PPP2R2C: variants seen among roughly 807,000 people sequenced by gnomAD.
The protein encoded by PPP2R2C is protein phosphatase 2 regulatory subunit Bgamma, also known as protein phosphatase 2, regulatory subunit B, gamma.
In PPP2R2C, 10 loss-of-function variants were observed where a neutral mutation model predicts 45.3. The ratio of observed to expected loss-of-function variants is 0.22; its 90% CI spans 0.14 to 0.37. The LOEUF is 0.37. Among genes scored for constraint, PPP2R2C ranks in the 10% least tolerant of loss-of-function variants. The probability of loss-of-function intolerance (pLI) is 1.00; values close to 1 mark genes in which losing one functional copy is unlikely to be tolerated. For synonymous variants in PPP2R2C, 257 were observed against 245.4 expected (o/e 1.05, Z -0.44); for missense variants, 308 against 619.7 (o/e 0.50, Z 5.34).
intron 2 of PPP2R2C, among the ~76,000 whole-genome samples, chr4:6,486,230 T>C (rs1240845974): frequency 1.3e-5 from 2 of 152,052 alleles, no homozygotes; most frequent in Non-Finnish European, 2.9e-5. Context: ...AATTCTATTA[T>C]GACAGAACAT....
At chr4:6,533,741 CACACCAGGAA>C in intron 2 of PPP2R2C, among the ~76,000 whole-genome samples, 1 of 152,200 alleles carries the variant, frequency 6.6e-6, no homozygotes, top group East Asian at 1.9e-4. Flanking sequence ...TATAACTGAG[CACACCAGGAA>C]ACACTCTAAT....
At chr4:6,367,843 G>A (rs1313840009) in intron 5 of PPP2R2C, among the ~76,000 whole-genome samples, 1 of 152,116 alleles carries the variant, frequency 6.6e-6, no homozygotes. Context: ...AATCGGGGAG[G>A]TTTCCATGGC....
chr4:6,420,033 T>A (rs1167730731), intron 1 of PPP2R2C, among the ~76,000 whole-genome samples: 1 of 152,230 alleles, frequency 6.6e-6, no homozygotes, highest in African/African-American at 2.4e-5. Context: ...GAAGGACACA[T>A]TTAAACGCAC....
rs545877745 is a variant in PPP2R2C, at chr4:6,332,543, C to A, written c.960+1019G>T. Among the ~76,000 whole-genome samples, 7 of 152,168 alleles carry A rather than the reference C, an allele frequency of 4.6e-5. No homozygotes were observed. The highest frequency in any genetic ancestry group is 1.7e-4 in the African/African-American group (7 of 41,434). On this transcript the variant is annotated intron_variant, in intron 7 of 8. Coordinates refer to ENST00000382599, the MANE Select transcript of PPP2R2C (RefSeq NM_020416.4). The surrounding 1 kb of genome is among the most constrained non-coding windows in gnomAD (Gnocchi z 4.9). ...CTCTGAGCTCTGCACCAGTTCCCAG[C>A]GAGGCCTGCGCCACCCAGGACGCTT...
At chr4:6,559,681 C>T (rs1725515156) in intron 1 of PPP2R2C, among the ~76,000 whole-genome samples, 1 of 152,080 alleles carries the variant, frequency 6.6e-6, no homozygotes, top group East Asian at 1.9e-4. Context: ...GAAATTAGTG[C>T]CCTTCTAAAA....
At chr4:6,362,401 C>T (rs138884214) in intron 5 of PPP2R2C, among the ~76,000 whole-genome samples, 144 of 152,256 alleles carry the variant, frequency 9.5e-4, no homozygotes, top group Non-Finnish European at 1.5e-3. Flanking sequence ...CAAGAAGGGA[C>T]AGGAGGCAGG....
intron 2 of PPP2R2C, among the ~76,000 whole-genome samples, chr4:6,522,380 G>C (rs1341981716): frequency 6.6e-6 from 1 of 152,232 alleles, no homozygotes; most frequent in African/African-American, 2.4e-5. Context: ...GTGGGAAATT[G>C]AGGCTGGCGA....
intron 1 of PPP2R2C, among the ~76,000 whole-genome samples, chr4:6,404,495 T>C (rs368207779): frequency 1.3e-5 from 2 of 152,206 alleles, no homozygotes; most frequent in Non-Finnish European, 2.9e-5. Flanking sequence ...TACACTTGGT[T>C]GAACATTTGC....
chr4:6,384,180 C>T (rs1398927906), intron 1 of PPP2R2C: 2 of 985,256 alleles, frequency 2.0e-6, no homozygotes, highest in East Asian at 1.1e-4. Flanking sequence ...GGGCAGAAGC[C>T]AGAACCACCC....
In PPP2R2C at chr4:6,390,221, G is replaced by T. The variant is rs974802940; in HGVS notation, c.71-9127C>A. On this transcript the variant is annotated intron_variant, in intron 1 of 8. Transcript: ENST00000382599. ...AGAGGGGCGTGGAGAACACAGCAGA[G>T]GGAGGCTGGGGGTGCACACACTGTG... 1.7e-4 allele frequency among the ~76,000 whole-genome samples: 24 copies of T among 141,614 alleles called. No individual in the cohort carries two copies. In the East Asian group the frequency reaches 4.5e-3, roughly 27 times the overall value. 92.9% of individuals were successfully genotyped at this position (141,614 alleles called of 152,430 possible).
rs946708086 is a variant in PPP2R2C, at chr4:6,378,889, C to A, written c.169-317G>T. On this transcript the variant is annotated intron_variant, in intron 2 of 8. Transcript: ENST00000382599. This position sits in a 1 kb window ranked among gnomAD's most constrained non-coding sequence, Gnocchi z 5.2. ...TCCCCGCACCATCGCATTCTACCCT[C>A]CAGGCCTCCTCTGCTTGAGCACCAC... is the stretch of plus-strand genomic sequence containing the variant. Among the ~76,000 whole-genome samples the A allele has an allele frequency of 5.9e-5, 9 of 151,718 alleles. No individual in the cohort carries two copies. The highest frequency in any genetic ancestry group is 1.3e-4 in the Non-Finnish European group (9 of 67,976).
intron 1 of PPP2R2C, among the ~76,000 whole-genome samples, chr4:6,431,749 C>T (rs1370491523): frequency 1.3e-5 from 2 of 152,200 alleles, no homozygotes; most frequent in Non-Finnish European, 2.9e-5. Context: ...AGACCCCAAC[C>T]CTGCCTCTGA....
chr4:6,424,674 A>G lies in PPP2R2C; in HGVS notation c.71-43580T>C, dbSNP rs36118874. On this transcript the variant is annotated intron_variant, in intron 1 of 8. Transcript: ENST00000382599. Reference sequence around the variant, plus strand: ...CTGAACAGCTGCTGGGGTTTGACAAAGTGAGGGGAAGGGCATGGAGGCAGA... The same window carrying G: ...CTGAACAGCTGCTGGGGTTTGACAAGGTGAGGGGAAGGGCATGGAGGCAGA... Among the ~76,000 whole-genome samples, 1,170 of 152,220 alleles carry G rather than the reference A, an allele frequency of 7.7e-3. 13 individuals carry two copies. Among genetic ancestry groups the G allele is most frequent in the Middle Eastern group, 0.038 (11 of 292 alleles).
chr4:6,472,641 C>T (rs1367253983), upstream of PPP2R2C, among the ~76,000 whole-genome samples: 3 of 147,632 alleles, frequency 2.0e-5, no homozygotes, highest in African/African-American at 7.3e-5. Flanking sequence ...CCGCCGCCGC[C>T]GCTGTCGCAG....
intron 2 of PPP2R2C, among the ~76,000 whole-genome samples, chr4:6,521,659 G>C (rs147566516): frequency 6.6e-6 from 1 of 152,192 alleles, no homozygotes; most frequent in East Asian, 1.9e-4. Flanking sequence ...GAGTTCATAC[G>C]TAGGAGGCAC....
intron 1 of PPP2R2C, among the ~76,000 whole-genome samples, chr4:6,437,081 C>A (rs1368060877): frequency 6.6e-6 from 1 of 152,228 alleles, no homozygotes; most frequent in Non-Finnish European, 1.5e-5. Flanking sequence ...TGCTTGCCAG[C>A]ACGCCACAGT....
chr4:6,355,920 G>T (rs532194398), intron 5 of PPP2R2C, among the ~76,000 whole-genome samples: 33 of 149,654 alleles, frequency 2.2e-4, no homozygotes, highest in African/African-American at 8.0e-4. Context: ...CTTGAACCTG[G>T]GAGGCAGAGG....
chr4:6,382,840 G>A (rs1250192060), intron 1 of PPP2R2C: 3 of 1,098,676 alleles, frequency 2.7e-6, no homozygotes, highest in African/African-American at 3.3e-5. Context: ...CAACAGACTG[G>A]CAGCAGAGAG....
chr4:6,474,168 C>A (rs1722053504), upstream of PPP2R2C, among the ~76,000 whole-genome samples: 1 of 151,122 alleles, frequency 6.6e-6, no homozygotes, highest in Non-Finnish European at 1.5e-5. Context: ...ATGTTCTCCT[C>A]TCTCTCTCTC....
Sources: allele counts gnomAD v4.1 joint callset (sites outside exome capture counted in the v4.1 genomes callset), GRCh38; gene constraint gnomAD v4.1.1; non-coding constraint Gnocchi (gnomAD v3.1); transcripts MANE v1.5; gene names NCBI Gene and HGNC (gene_info 2026-07-23, HGNC 2026-07-21).